The following PYHIN1 variants were observed in gnomAD, a reference collection of about 807,000 sequenced individuals.
PYHIN1 encodes pyrin and HIN domain family member 1.
A neutral mutation model predicts 43.7 loss-of-function variants in PYHIN1; 32 were observed. That is an observed-to-expected ratio of 0.73 (90% CI 0.55 to 0.98). PYHIN1 has a LOEUF of 0.98. Ranked by LOEUF, PYHIN1 falls within the 50% of genes least tolerant of loss-of-function variation. The pLI, the probability that PYHIN1 is intolerant of heterozygous loss-of-function variation, is 0.00. For missense variants in PYHIN1, 588 were observed against 589.5 expected (o/e 1.00, Z 0.03); for synonymous variants, 205 against 203.1 (o/e 1.01, Z -0.08).
At chr1:158,953,117 G>C (rs536456867) in intron 7 of PYHIN1, among the ~76,000 whole-genome samples, 2 of 152,194 alleles carry the variant, frequency 1.3e-5, no homozygotes, top group African/African-American at 4.8e-5. Flanking sequence ...CACGGGTCTC[G>C]CTGATTGCTA....
intron 7 of PYHIN1, among the ~76,000 whole-genome samples, chr1:158,950,732 C>T (rs913591805): frequency 2.6e-5 from 4 of 152,146 alleles, no homozygotes; most frequent in African/African-American, 9.7e-5. Context: ...CATACTCCCC[C>T]TTTTCTGTTT....
chr1:158,970,011 A>G (rs1338462464), intron 7 of PYHIN1, among the ~76,000 whole-genome samples: 3 of 151,914 alleles, frequency 2.0e-5, no homozygotes, highest in East Asian at 3.9e-4. Context: ...TTGCCCATTT[A>G]CTCATCAAGG....
chr1:158,942,830 C>G (rs1648998712), intron 5 of PYHIN1, among the ~76,000 whole-genome samples: 1 of 152,104 alleles, frequency 6.6e-6, no homozygotes, highest in Non-Finnish European at 1.5e-5. Flanking sequence ...TTTTGACAAT[C>G]AGGGCAAGAA....
the PYHIN1 span, among the ~76,000 whole-genome samples, chr1:158,984,721 A>G: frequency 6.6e-6 from 1 of 152,098 alleles, no homozygotes; most frequent in African/African-American, 2.4e-5. Context: ...TTCTCCCTCA[A>G]TGATTTATCT....
chr1:158,956,943 A>G (rs1166240857), intron 7 of PYHIN1, among the ~76,000 whole-genome samples: 1 of 122,670 alleles, frequency 8.2e-6, no homozygotes, highest in African/African-American at 3.1e-5. Flanking sequence ...AATCACAAGC[A>G]TTCTTATACA....
chr1:158,951,927 TTTTTAAA>T lies in PYHIN1; in HGVS notation c.1359+6897_1359+6903del, dbSNP rs1649554813. 2.0e-5 allele frequency among the ~76,000 whole-genome samples: 3 copies of T among 152,164 alleles called. No homozygotes were observed. In the South Asian group the frequency reaches 6.2e-4, roughly 32 times the overall value. Reference sequence around the variant, plus strand: ...ACAGTGGCCATTATTAGAAAGAAGTTTTTTAAATTTTAAATTTTTTCTTAAATCTTAG... The same window carrying T: ...ACAGTGGCCATTATTAGAAAGAAGTTTTTTAAATTTTTTCTTAAATCTTAG... On this transcript the variant is annotated intron_variant, in intron 7 of 8. Coordinates refer to ENST00000368140, the MANE Select transcript of PYHIN1 (RefSeq NM_152501.5).
At chr1:158,984,055 T>C in the PYHIN1 span, among the ~76,000 whole-genome samples, 1 of 124,374 alleles carries the variant, frequency 8.0e-6, no homozygotes, top group Non-Finnish European at 1.7e-5. Context: ...TGTATATTAA[T>C]CTGGCTAGTG....
downstream of PYHIN1, among the ~76,000 whole-genome samples, chr1:158,980,572 A>G (rs1651451823): frequency 6.6e-6 from 1 of 152,102 alleles, no homozygotes; most frequent in African/African-American, 2.4e-5. Flanking sequence ...TGACTTGTGC[A>G]GTTGAGATAA....
At chr1:158,949,464 G>A (rs1649406543) in intron 7 of PYHIN1, among the ~76,000 whole-genome samples, 1 of 151,996 alleles carries the variant, frequency 6.6e-6, no homozygotes, top group African/African-American at 2.4e-5. Flanking sequence ...CATGCGCCAT[G>A]CTGGTGCGCT....
chr1:158,932,968 T>G (rs1191911957), intron 1 of PYHIN1, among the ~76,000 whole-genome samples: 1 of 152,178 alleles, frequency 6.6e-6, no homozygotes, highest in Non-Finnish European at 1.5e-5. Flanking sequence ...TATGAGATTT[T>G]AAATGTTGAT....
chr1:158,933,937 A>G lies in PYHIN1; in HGVS notation c.-21+2161A>G, dbSNP rs139880993. On this transcript the variant is annotated intron_variant, in intron 1 of 8. Coordinates refer to ENST00000368140, the MANE Select transcript of PYHIN1 (RefSeq NM_152501.5). The surrounding 1 kb of genome is among the most constrained non-coding windows in gnomAD (Gnocchi z 6.3). Reference sequence around the variant, plus strand: ...TTTCTATTGAAAAGTACTTCCAAAAATGTTTCTGTGTGCATCTTTGTCTGG... The same window carrying G: ...TTTCTATTGAAAAGTACTTCCAAAAGTGTTTCTGTGTGCATCTTTGTCTGG... Among the ~76,000 whole-genome samples, 43 of 152,154 alleles carry G rather than the reference A, an allele frequency of 2.8e-4. No homozygotes were observed. The East Asian group carries it at 8.1e-3, about 29-fold the overall frequency.
In PYHIN1 at chr1:158,938,511, C is replaced by A. The variant is rs745995286; in HGVS notation, c.380C>A (p.Ala127Asp). 12 of 1,614,196 alleles carry A rather than the reference C, an allele frequency of 7.4e-6. No individual in the cohort carries two copies. The South Asian group carries it at 1.2e-4, about 16-fold the overall frequency. ...TGCACCCCAAGCAACCGTCTCACAG[C>A]TAAAGGAGCAGAGGAGACTCTTGGA... ...PACTPSNRLTAKGAEETLGPQ... is the reference protein window; with the variant it reads ...PACTPSNRLTDKGAEETLGPQ... The change falls in exon 3 of 9, where the codon GCT (alanine) becomes GAT (aspartate). Residue 127 changes from alanine to aspartate, a missense_variant. Ala to Asp is a moderately radical substitution (Grantham distance 126). Transcript: ENST00000368140.
chr1:158,950,512 G>A (rs1649467988), intron 7 of PYHIN1, among the ~76,000 whole-genome samples: 1 of 152,172 alleles, frequency 6.6e-6, no homozygotes. Flanking sequence ...CTGAGGGTGT[G>A]TGGACACAAG....
rs1180913797 is a variant in PYHIN1, at chr1:158,942,312, C to A, written c.915C>A (p.Ile305=). 3.7e-6 allele frequency: 6 copies of A among 1,613,426 alleles called. No individual in the cohort carries two copies. The highest frequency in any genetic ancestry group is 5.1e-6 in the Non-Finnish European group (6 of 1,179,790). The change falls in exon 5 of 9, where the codon ATC becomes ATA. Residue 305 remains isoleucine (I), a synonymous_variant. Transcript: ENST00000368140. ...CGTTTGAGGTTCCAAAGGACATCAT[C>A]AGAAGAGCAAAGAAAATTCCGAAGA... ...DQTFEVPKDI[I]RRAKKIPKIN...
intron 2 of PYHIN1, 98 bp downstream of exon 2, chr1:158,937,273 C>A: frequency 7.4e-7 from 1 of 1,345,878 alleles, no homozygotes; most frequent in Non-Finnish European, 1.0e-6. Flanking sequence ...ACATCCTTTT[C>A]CCAATTTGTG....
chr1:158,990,724 T>C, the PYHIN1 span, among the ~76,000 whole-genome samples: 1 of 152,204 alleles, frequency 6.6e-6, no homozygotes, highest in South Asian at 2.1e-4. Context: ...TCTCTACCAC[T>C]ATGAGATCAA....
At chr1:158,938,621 C>A in intron 3 of PYHIN1, 79 bp downstream of exon 3, 2 of 1,427,518 alleles carry the variant, frequency 1.4e-6, no homozygotes, top group Non-Finnish European at 1.9e-6. Context: ...ATCTGTCCAG[C>A]AGGCAGTTAT....
chr1:158,990,504 C>A, the PYHIN1 span, among the ~76,000 whole-genome samples: 1 of 151,848 alleles, frequency 6.6e-6, no homozygotes, highest in Non-Finnish European at 1.5e-5. Context: ...ACCTCACAGC[C>A]AACATTTTTG....
At position 158,955,510 on chromosome 1, in the gene PYHIN1, C is replaced by T. The variant is rs190014004; in HGVS notation, c.1359+10468C>T. ...CCTGCTCCTGAATGACTACTGGATA[C>T]GTAGTGAAATGAAGGCAGAAATAAA... On this transcript the variant is annotated intron_variant, in intron 7 of 8. Coordinates refer to ENST00000368140, the MANE Select transcript of PYHIN1 (RefSeq NM_152501.5). Among the ~76,000 whole-genome samples the T allele has an allele frequency of 1.3e-3, 204 of 152,104 alleles. 2 individuals carry two copies. Among genetic ancestry groups the T allele is most frequent in the Admixed American group, 0.012 (188 of 15,290 alleles).
Sources: gnomAD v4.1 joint callset for allele counts (sites outside exome capture counted in the v4.1 genomes callset) on GRCh38, gnomAD v4.1.1 for gene constraint, Gnocchi (gnomAD v3.1) non-coding constraint, MANE v1.5 for transcripts, NCBI Gene and HGNC (gene_info 2026-07-23, HGNC 2026-07-21) for gene names.